Variants in SIPA1L2 observed in about 807,000 individuals in gnomAD.
SIPA1L2 encodes signal induced proliferation associated 1 like 2.
In SIPA1L2, 56 loss-of-function variants were observed where a neutral mutation model predicts 163.9. The ratio of observed to expected loss-of-function variants is 0.34; its 90% CI spans 0.28 to 0.43. The LOEUF is 0.43. Ranked by LOEUF, SIPA1L2 falls within the 20% of genes least tolerant of loss-of-function variation. The pLI is 1.00. For missense variants in SIPA1L2, 1,974 were observed against 2,193.5 expected (o/e 0.90, Z 2.00); for synonymous variants, 877 against 865.7 (o/e 1.01, Z -0.23).
At chr1:232,551,736 T>G (rs1658394983) in intron 2 of SIPA1L2, among the ~76,000 whole-genome samples, 1 of 152,240 alleles carries the variant, frequency 6.6e-6, no homozygotes, top group South Asian at 2.1e-4. Flanking sequence ...AAAAGCCTTT[T>G]AAAAAGCTAC....
chr1:232,624,002 A>G (rs1662947018), intron 1 of SIPA1L2, among the ~76,000 whole-genome samples: 1 of 152,142 alleles, frequency 6.6e-6, no homozygotes, highest in Non-Finnish European at 1.5e-5. Flanking sequence ...TTTATTTTTA[A>G]TATTAATCTT....
intron 15 of SIPA1L2, among the ~76,000 whole-genome samples, chr1:232,435,658 T>A (rs1273428771): frequency 6.6e-6 from 1 of 152,222 alleles, no homozygotes; most frequent in Non-Finnish European, 1.5e-5. Flanking sequence ...TATTTCATTT[T>A]GCAAAGCCTT....
chr1:232,398,791 G>C lies in SIPA1L2; in HGVS notation c.*336C>G. 9.4e-6 allele frequency: 2 copies of C among 213,468 alleles called. No homozygotes were observed. The highest frequency in any genetic ancestry group is 2.3e-4 in the South Asian group (2 of 8,512). The allele number at this position is 213,468 out of a possible 1,614,324, so 13.2% of individuals were successfully genotyped here. ...CTCTACCAGGTCACCTGATATACAG[G>C]AAATAAAACTCAACTATCTTCCCTC... On this transcript the variant is annotated 3_prime_UTR_variant, in exon 23 of 23. Transcript: ENST00000674635.
intron 2 of SIPA1L2, among the ~76,000 whole-genome samples, 73 bp downstream of exon 2, chr1:232,574,101 A>C (rs1179497147): frequency 6.6e-6 from 1 of 152,122 alleles, no homozygotes; most frequent in East Asian, 1.9e-4. Flanking sequence ...AAAAAAAATT[A>C]GTGGGACACA....
At chr1:232,623,371 C>T (rs944555922) in intron 1 of SIPA1L2, among the ~76,000 whole-genome samples, 6 of 152,060 alleles carry the variant, frequency 3.9e-5, no homozygotes, top group Non-Finnish European at 5.9e-5. Context: ...TCTGGGAGGC[C>T]GAGGCGGGCA....
intron 1 of SIPA1L2, among the ~76,000 whole-genome samples, chr1:232,624,195 G>GT (rs1166175255): frequency 3.3e-5 from 5 of 152,104 alleles, no homozygotes; most frequent in Admixed American, 1.3e-4. Context: ...GTTGAAAAAA[G>GT]TTTGAGAACC....
At chr1:232,476,446 G>A (rs1236927001) in intron 7 of SIPA1L2, among the ~76,000 whole-genome samples, 2 of 152,256 alleles carry the variant, frequency 1.3e-5, no homozygotes, top group African/African-American at 4.8e-5. Flanking sequence ...CTACTTTGAA[G>A]AAAGAATTTC....
Position 232,515,166 on chromosome 1 carries a change from C to T in SIPA1L2, c.174G>A (p.Glu58=). The stretch of plus-strand genomic sequence containing the variant: ...CATTAGCCGGACCACCACCGCCAGT[C>T]TCATTGGAATTCGAGGCATTTAAAG... The part of the protein sequence containing the change: ...TTSLNASNSN[E]TGGGGPANGT... Residue 58 remains glutamate, a synonymous_variant, in exon 3 of 23, where the codon GAG becomes GAA. Transcript: ENST00000674635. The T allele has an allele frequency of 6.2e-7, 1 of 1,614,202 alleles. No individual in the cohort carries two copies. The highest frequency in any genetic ancestry group is 8.5e-7 in the Non-Finnish European group (1 of 1,180,020).
At chr1:232,440,333 A>G (rs1055873611) in intron 14 of SIPA1L2, among the ~76,000 whole-genome samples, 4 of 152,252 alleles carry the variant, frequency 2.6e-5, no homozygotes, top group Admixed American at 1.3e-4. Flanking sequence ...GCCAGGCCCC[A>G]GTAGATTTTA....
At chr1:232,567,391 C>T (rs185569391) in intron 2 of SIPA1L2, among the ~76,000 whole-genome samples, 25 of 152,198 alleles carry the variant, frequency 1.6e-4, no homozygotes, top group Admixed American at 1.3e-3. Context: ...TCAAGTTGAT[C>T]AGCATTATAT....
At chr1:232,402,327 T>A in intron 22 of SIPA1L2, 65 bp downstream of exon 22, 1 of 1,407,710 alleles carries the variant, frequency 7.1e-7, no homozygotes, top group Non-Finnish European at 9.8e-7. Context: ...AATTTATCTG[T>A]AGTAGTTATA....
intron 10 of SIPA1L2, among the ~76,000 whole-genome samples, chr1:232,453,503 T>C (rs1032718771): frequency 5.3e-5 from 8 of 152,238 alleles, no homozygotes; most frequent in African/African-American, 1.9e-4. Flanking sequence ...GGAAAAGCCT[T>C]ACAAAGTACT....
At chr1:232,599,220 CAG>C (rs1432214725) in intron 1 of SIPA1L2, among the ~76,000 whole-genome samples, 2 of 152,194 alleles carry the variant, frequency 1.3e-5, no homozygotes, top group Admixed American at 1.3e-4. Context: ...AACAAACAAA[CAG>C]TGGTGTCTGA....
intron 2 of SIPA1L2, among the ~76,000 whole-genome samples, chr1:232,518,962 A>T (rs1412200727): frequency 6.6e-6 from 1 of 152,176 alleles, no homozygotes; most frequent in Non-Finnish European, 1.5e-5. Flanking sequence ...TATATTTTAC[A>T]ATATATTGTA....
Position 232,445,618 on chromosome 1 carries a change from G to C in SIPA1L2, c.3264C>G (p.Asp1088Glu), listed in dbSNP as rs753002321. 3 of 1,614,012 alleles carry C rather than the reference G, an allele frequency of 1.9e-6. No individual in the cohort carries two copies. The highest frequency in any genetic ancestry group is 2.5e-6 in the Non-Finnish European group (3 of 1,180,022). ...SRASPIPGTP[D>E]RLPCQQLLQQ... ...GGAGCAGCTGTTGGCACGGCAGCCG[G>C]TCGGGCGTGCCGGGGATGGGGGAAG... The change falls in exon 11 of 23, where the codon GAC becomes GAG. Residue 1088 changes from aspartate (D) to glutamate (E), a missense_variant. Around this residue, in one of 3 missense-constraint regions of SIPA1L2, gnomAD observed 1,079 missense variants for 1,150.7 expected, o/e 0.94. Transcript: ENST00000674635.
At chr1:232,407,640 T>TA (rs1660719036) in intron 19 of SIPA1L2, among the ~76,000 whole-genome samples, 1 of 152,160 alleles carries the variant, frequency 6.6e-6, no homozygotes, top group Non-Finnish European at 1.5e-5. Context: ...CACACGTCCA[T>TA]GCTCCCAAAC....
At chr1:232,424,575 G>A (rs1271891035) in intron 18 of SIPA1L2, among the ~76,000 whole-genome samples, 3 of 152,148 alleles carry the variant, frequency 2.0e-5, no homozygotes, top group Non-Finnish European at 4.4e-5. Flanking sequence ...AAGTGGCCTA[G>A]GTCTGGCTGA....
chr1:232,601,942 C>T lies in SIPA1L2; in HGVS notation c.-318-27720G>A, dbSNP rs144849996. ...TTATGATTTAAAATATGGGATGTCA[C>T]CTTACAAGCATGTGAAGGAGTATAT... is the stretch of plus-strand genomic sequence containing the variant. On this transcript the variant is annotated intron_variant, in intron 1 of 22. Transcript: ENST00000674635. Among the ~76,000 whole-genome samples, 332 of 152,300 alleles carry T rather than the reference C, an allele frequency of 2.2e-3. 1 individual carries two copies. Among genetic ancestry groups the T allele is most frequent in the Middle Eastern group, 6.8e-3 (2 of 294 alleles).
In SIPA1L2 at chr1:232,439,429, C is replaced by T. The variant is rs1662759457; in HGVS notation, c.3710G>A (p.Ser1237Asn). 1 of 1,614,216 alleles carries T rather than the reference C, an allele frequency of 6.2e-7. No individual in the cohort carries two copies. Among genetic ancestry groups the T allele is most frequent in the Non-Finnish European group, 8.5e-7 (1 of 1,180,046 alleles). ...GCCAGACCCAAAGTGCTTGTCGTCA[C>T]TGTTGCTGGAGGTGTTGCTGGAGAG... is the stretch of plus-strand genomic sequence containing the variant. ...NTLSSNTSSN[S>N]DDKHFGSGDL... The change falls in exon 15 of 23, where the codon AGT becomes AAT. Residue 1237 changes from serine to asparagine, a missense_variant. Ser to Asn is a conservative substitution (Grantham distance 46). This residue lies in a region of SIPA1L2 where 1,079 missense variants were observed against 1,150.7 expected (regional missense o/e 0.94). Coordinates refer to ENST00000674635, the MANE Select transcript of SIPA1L2 (RefSeq NM_020808.5).
Sources: gnomAD v4.1 joint callset for allele counts (sites outside exome capture counted in the v4.1 genomes callset) on GRCh38, gnomAD v4.1.1 for gene constraint, gnomAD v4.1.1 regional missense constraint, MANE v1.5 for transcripts, NCBI Gene and HGNC (gene_info 2026-07-23, HGNC 2026-07-21) for gene names.